PLXNB2: variants seen among roughly 807,000 people sequenced by gnomAD.
PLXNB2 encodes the protein plexin B2.
Under a neutral mutation model 202.6 loss-of-function variants are expected in PLXNB2, and 85 were observed. The observed-to-expected ratio is 0.42, with a 90% CI of 0.35 to 0.50. The LOEUF (loss-of-function observed/expected upper bound fraction) is 0.50. Among genes scored for constraint, PLXNB2 ranks in the 20% least tolerant of loss-of-function variants. PLXNB2 has a pLI of 0.02. For synonymous variants in PLXNB2, 1,239 were observed against 1,137.6 expected (o/e 1.09, Z -1.79); for missense variants, 2,063 against 2,586.2 (o/e 0.80, Z 4.39).
Position 50,285,974 on chromosome 22 carries a change from C to T in PLXNB2, c.1986+16G>A, listed in dbSNP as rs1028676170. On this transcript the variant is annotated intron_variant, in intron 10 of 36. Transcript: ENST00000359337. ...CCATGCCCTGAACAGTCCCCTGAGG[C>T]CCCGAGGCCCCTCACCATGTGGGCA... is the stretch of plus-strand genomic sequence containing the variant. 1 of 1,607,978 alleles carries T rather than the reference C, an allele frequency of 6.2e-7. No individual in the cohort carries two copies. Among genetic ancestry groups the T allele is most frequent in the East Asian group, 2.2e-5 (1 of 44,834 alleles).
rs1351989403 is a variant in PLXNB2, at chr22:50,288,810, T to C, written c.1313A>G (p.Lys438Arg). 1.5e-5 allele frequency: 24 copies of C among 1,613,148 alleles called. No homozygotes were observed. Among genetic ancestry groups the C allele is most frequent in the Non-Finnish European group, 2.0e-5 (24 of 1,179,968 alleles). Residue 438 changes from lysine (K) to arginine (R), a missense_variant, in exon 5 of 37, where the codon AAG becomes AGG. Physicochemically the swap from Lys to Arg is conservative, Grantham distance 26 (BLOSUM62 2). This residue lies in a region of PLXNB2 where 1,303 missense variants were observed against 1,476.8 expected (regional missense o/e 0.88). Coordinates refer to ENST00000359337, the MANE Select transcript of PLXNB2 (RefSeq NM_012401.4). The surrounding 1 kb of genome is among the most constrained non-coding windows in gnomAD (Gnocchi z 5.0). ...CAGTACCAGGTCGCGCTTGACTCTC[T>C]TGTTTATCTCCACAAGGATAGAGTC... Reference protein sequence around the residue: ...EYDSILVEINKRVKRDLVLSG... With the variant: ...EYDSILVEINRRVKRDLVLSG...
chr22:50,301,457 G>A (rs993341666), intron 1 of PLXNB2: 5 of 928,432 alleles, frequency 5.4e-6, no homozygotes, highest in Non-Finnish European at 6.4e-6. Flanking sequence ...CATCAGGACA[G>A]GACATGCGGT....
Position 50,290,026 on chromosome 22 carries a change from G to T in PLXNB2, c.559C>A (p.Leu187Met). The change falls in exon 3 of 37, where the codon CTG (leucine) becomes ATG (methionine). Residue 187 changes from leucine (L) to methionine (M), a missense_variant. Transcript: ENST00000359337. ...HDNGIIVSTRLLDRTDSREAF... is the reference protein window; with the variant it reads ...HDNGIIVSTRMLDRTDSREAF... ...TCCCTGCTGTCAGTCCGGTCCAACAGCCGAGTGCTCACGATGATGCCGTTG... is the reference window on the plus strand; with the variant it reads ...TCCCTGCTGTCAGTCCGGTCCAACATCCGAGTGCTCACGATGATGCCGTTG... 1 of 1,613,436 alleles carries T rather than the reference G, an allele frequency of 6.2e-7. No homozygotes were observed. Among genetic ancestry groups the T allele is most frequent in the Non-Finnish European group, 8.5e-7 (1 of 1,180,018 alleles).
Position 50,288,723 on chromosome 22 carries a change from C to T in PLXNB2, c.1380+20G>A, listed in dbSNP as rs199720171. 603 of 1,611,968 alleles carry T rather than the reference C, an allele frequency of 3.7e-4. 5 individuals carry two copies. The African/African-American group carries it at 6.8e-3, about 18-fold the overall frequency. ...GGCACACTTGGCCTAGAGTGCTCTC[C>T]GGGGCTGCGTCTGGCTCACCTTGTC... On this transcript the variant is annotated intron_variant, in intron 5 of 36. Coordinates refer to ENST00000359337, the MANE Select transcript of PLXNB2 (RefSeq NM_012401.4). The surrounding 1 kb of genome is among the most constrained non-coding windows in gnomAD (Gnocchi z 5.0).
intron 27 of PLXNB2, among the ~76,000 whole-genome samples, chr22:50,279,312 C>T (rs961619255): frequency 2.0e-5 from 3 of 152,240 alleles, no homozygotes; most frequent in African/African-American, 7.2e-5. Context: ...CACACATGCA[C>T]AGGCTCCTGC....
In PLXNB2 at chr22:50,277,582, C is replaced by T. The variant is rs1464101139; in HGVS notation, c.5196+9G>A. 1.3e-6 allele frequency: 2 copies of T among 1,556,682 alleles called. No homozygotes were observed. Among genetic ancestry groups the T allele is most frequent in the Non-Finnish European group, 1.7e-6 (2 of 1,147,478 alleles). ...CTCCCTGCCCCAGACCTGCCCCCAC[C>T]CCACTCACGCGGCTCAGCTTATGCT... On this transcript the variant is annotated intron_variant, in intron 33 of 36. Coordinates refer to ENST00000359337, the MANE Select transcript of PLXNB2 (RefSeq NM_012401.4).
intron 1 of PLXNB2, among the ~76,000 whole-genome samples, chr22:50,304,193 G>C (rs958258370): frequency 6.6e-6 from 1 of 152,182 alleles, no homozygotes; most frequent in Non-Finnish European, 1.5e-5. Context: ...AGACATCCCC[G>C]GGGGTGGGGC....
chr22:50,278,196 G>C lies in PLXNB2; in HGVS notation c.4808C>G (p.Ser1603Cys). The C allele has an allele frequency of 6.2e-7, 1 of 1,608,404 alleles. No homozygotes were observed. Among genetic ancestry groups the C allele is most frequent in the Non-Finnish European group, 8.5e-7 (1 of 1,179,908 alleles). Residue 1603 changes from serine to cysteine, a missense_variant, in exon 31 of 37, where the codon TCC (serine) becomes TGC (cysteine). By Grantham distance (112) the Ser-to-Cys change is moderately radical. Transcript: ENST00000359337. ...CTTCTCTTTCACGCTGCCTCTCTTG[G>C]ACTTGCCCTCGTCCACCTCGTCGGT... is the stretch of plus-strand genomic sequence containing the variant. ...RPTDEVDEGK[S>C]KRGSVKEKER...
chr22:50,304,313 CT>C (rs2067808552), intron 1 of PLXNB2, among the ~76,000 whole-genome samples: 1 of 152,198 alleles, frequency 6.6e-6, no homozygotes, highest in African/African-American at 2.4e-5. Context: ...GGTGGATCCA[CT>C]GGGGGGGTGC....
chr22:50,287,597 C>G (rs1284053941), intron 7 of PLXNB2, 70 bp downstream of exon 7: 1 of 1,423,278 alleles, frequency 7.0e-7, no homozygotes, highest in Non-Finnish European at 9.4e-7. Context: ...CCCAACAGCT[C>G]CCAGCATGGG....
chr22:50,281,198 C>T lies in PLXNB2; in HGVS notation c.3663-9G>A, dbSNP rs1295706867. ...CCTGCTGGCTCTTCCTCCTGCAAGGCACAGCGGGCCTCCTAGGTTCTGCCG... is the reference window on the plus strand; with the variant it reads ...CCTGCTGGCTCTTCCTCCTGCAAGGTACAGCGGGCCTCCTAGGTTCTGCCG... On this transcript the variant is annotated splice_polypyrimidine_tract_variant and intron_variant, in intron 22 of 36. Transcript: ENST00000359337. 6.2e-7 allele frequency: 1 copy of T among 1,608,318 alleles called. No homozygotes were observed. The highest frequency in any genetic ancestry group is 1.7e-5 in the Admixed American group (1 of 59,526).
rs2066597394 is a variant in PLXNB2 at position 50,288,053 on chromosome 22, CGT to C, written c.1381-18_1381-17del. On this transcript the variant is annotated splice_polypyrimidine_tract_variant and intron_variant, in intron 5 of 36. Coordinates refer to ENST00000359337, the MANE Select transcript of PLXNB2 (RefSeq NM_012401.4). This position sits in a 1 kb window ranked among gnomAD's most constrained non-coding sequence, Gnocchi z 5.0. ...GCCGGAACACCTAGGGCAGCGGGGCCGTGAGTGGGACCACAGCAGAGGCCGCA... is the reference window on the plus strand; with the variant it reads ...GCCGGAACACCTAGGGCAGCGGGGCCGAGTGGGACCACAGCAGAGGCCGCA... 4 of 1,544,780 alleles carry C rather than the reference CGT, an allele frequency of 2.6e-6. No homozygotes were observed. The highest frequency in any genetic ancestry group is 3.9e-5 in the Admixed American group (2 of 51,220).
intron 1 of PLXNB2, among the ~76,000 whole-genome samples, chr22:50,306,870 G>C (rs2147743439): frequency 6.6e-6 from 1 of 152,372 alleles, no homozygotes; most frequent in East Asian, 1.9e-4. Flanking sequence ...CCAGATGACA[G>C]GGGGAGGCGG....
rs2065767807 is a variant in PLXNB2, at chr22:50,278,486, C to T, written c.4681G>A (p.Val1561Met). ...RDGATLILSK[V>M]GVSQQPEDSQ... ...TCCTCCGGCTGCTGGGAGACCCCCACCTTGGACAGGATGAGGGTGGCTCCA... is the reference window on the plus strand; with the variant it reads ...TCCTCCGGCTGCTGGGAGACCCCCATCTTGGACAGGATGAGGGTGGCTCCA... Residue 1561 changes from valine (V) to methionine (M), a missense_variant, in exon 30 of 37, where the codon GTG (valine) becomes ATG (methionine). This residue lies in a region of PLXNB2 where 760 missense variants were observed against 1,109.4 expected (regional missense o/e 0.69). Transcript: ENST00000359337. The T allele has an allele frequency of 6.4e-7, 1 of 1,562,482 alleles. No homozygotes were observed. Among genetic ancestry groups the T allele is most frequent in the Non-Finnish European group, 8.7e-7 (1 of 1,153,742 alleles).
At chr22:50,287,842 C>G (rs371849010) in intron 6 of PLXNB2, 49 bp from the exon 7 acceptor site, 2 of 1,593,538 alleles carry the variant, frequency 1.3e-6, no homozygotes, top group Non-Finnish European at 1.7e-6. Context: ...CTTGTTCTCC[C>G]GGGACAGGAC....
At position 50,290,596 on chromosome 22, in the gene PLXNB2, C is replaced by A. The variant is rs775829129; in HGVS notation, c.-12G>T. 1 of 1,589,394 alleles carries A rather than the reference C, an allele frequency of 6.3e-7. No individual in the cohort carries two copies. On this transcript the variant is annotated splice_region_variant and 5_prime_UTR_variant, in exon 3 of 37. Transcript: ENST00000359337. ...AGCTGCAGTGCCATTGCCCCCCGCA[C>A]CCTGTGGGAAGAGAGAAGGGTCAGG...
rs915464315 is a variant in PLXNB2, at chr22:50,279,618, C to T, written c.4389+12G>A. ...CGAGGCGCCCATGGCGGCCCCCACC[C>T]CAGAAGCTCACCAGGGGTGCGTACT... On this transcript the variant is annotated intron_variant, in intron 27 of 36. Transcript: ENST00000359337. 1 of 1,612,936 alleles carries T rather than the reference C, an allele frequency of 6.2e-7. No homozygotes were observed. Among genetic ancestry groups the T allele is most frequent in the African/African-American group, 1.3e-5 (1 of 74,914 alleles).
Position 50,282,280 on chromosome 22 carries a change from G to C in PLXNB2, c.3021C>G (p.Gly1007=), listed in dbSNP as rs2066051125. ...GGRSINVTGQ[G]FSLIQRFAMV... The stretch of plus-strand genomic sequence containing the variant: ...TGGCAAACCTCTGGATCAGGCTGAA[G>C]CCCTGACCCGTGACGTTGATGCTGC... The change falls in exon 19 of 37, where the codon GGC becomes GGG. Residue 1007 remains glycine (G), a synonymous_variant. Coordinates refer to ENST00000359337, the MANE Select transcript of PLXNB2 (RefSeq NM_012401.4). The C allele has an allele frequency of 1.2e-6, 2 of 1,611,866 alleles. No homozygotes were observed. The highest frequency in any genetic ancestry group is 3.3e-5 in the Admixed American group (2 of 59,974).
At chr22:50,299,039 G>C in intron 1 of PLXNB2, among the ~76,000 whole-genome samples, 1 of 152,266 alleles carries the variant, frequency 6.6e-6, no homozygotes, top group East Asian at 1.9e-4. Flanking sequence ...TCTTGGCCAG[G>C]CCAGGCTGTG....
Sources: allele counts gnomAD v4.1 joint callset (sites outside exome capture counted in the v4.1 genomes callset), GRCh38; gene constraint gnomAD v4.1.1; regional missense constraint gnomAD v4.1.1; non-coding constraint Gnocchi (gnomAD v3.1); transcripts MANE v1.5; gene names NCBI Gene and HGNC (gene_info 2026-07-23, HGNC 2026-07-21).